The following RAG1 variants were observed in gnomAD, a reference collection of about 807,000 sequenced individuals.
RAG1 encodes V(D)J recombination-activating protein 1.
In RAG1, 35 loss-of-function variants were observed where a neutral mutation model predicts 62.7. The observed-to-expected ratio is 0.56, with a 90% CI of 0.43 to 0.74. The LOEUF (loss-of-function observed/expected upper bound fraction) is 0.74. Ranked by LOEUF, RAG1 falls within the 30% of genes least tolerant of loss-of-function variation. RAG1 has a pLI of 0.00. For missense variants in RAG1, 1,169 were observed against 1,278.6 expected (o/e 0.91, Z 1.31); for synonymous variants, 461 against 470.3 (o/e 0.98, Z 0.26).
chr11:36,546,061 AT>A (rs1295650521), intron 3 of RAG1, among the ~76,000 whole-genome samples: 1 of 152,152 alleles, frequency 6.6e-6, no homozygotes, highest in Non-Finnish European at 1.5e-5. Flanking sequence ...TAGTCTGTTG[AT>A]TTGGGGTGGA....
intron 3 of RAG1, among the ~76,000 whole-genome samples, chr11:36,543,962 C>T (rs529391623): frequency 3.3e-5 from 5 of 152,132 alleles, no homozygotes; most frequent in Non-Finnish European, 5.9e-5. Context: ...AAAAGAGTTT[C>T]AAAGATACAG....
intron 2 of RAG1, among the ~76,000 whole-genome samples, chr11:36,520,767 T>A (rs1281873809): frequency 6.6e-6 from 1 of 152,220 alleles, no homozygotes; most frequent in Non-Finnish European, 1.5e-5. Context: ...TTAGTTGAGA[T>A]CTTAACTCTT....
At chr11:36,551,058 A>G (rs989354670) in intron 3 of RAG1, among the ~76,000 whole-genome samples, 9 of 152,162 alleles carry the variant, frequency 5.9e-5, no homozygotes, top group African/African-American at 2.2e-4. Flanking sequence ...AAAGTAACTG[A>G]TAGCAACTCT....
At chr11:36,538,613 C>T (rs2133262128), downstream of RAG1, among the ~76,000 whole-genome samples, 1 of 152,248 alleles carries the variant, frequency 6.6e-6, no homozygotes, top group African/African-American at 2.4e-5. Context: ...TCTAAAGCTG[C>T]AGTTACGAAA....
intron 3 of RAG1, among the ~76,000 whole-genome samples, chr11:36,562,427 A>C (rs1850603254): frequency 1.3e-5 from 2 of 152,202 alleles, no homozygotes; most frequent in African/African-American, 2.4e-5. Flanking sequence ...CAAATGAGAA[A>C]ATGGAGTCAG....
intron 3 of RAG1, among the ~76,000 whole-genome samples, chr11:36,549,610 A>C (rs990357151): frequency 6.6e-6 from 1 of 152,216 alleles, no homozygotes; most frequent in African/African-American, 2.4e-5. Flanking sequence ...AAACGTCAGG[A>C]AACAACAGAT....
chr11:36,537,686 T>C (rs949112331), downstream of RAG1, among the ~76,000 whole-genome samples: 7 of 152,224 alleles, frequency 4.6e-5, no homozygotes, highest in African/African-American at 7.2e-5. Flanking sequence ...TATGAGAGTA[T>C]GGTGATAAGC....
downstream of RAG1, among the ~76,000 whole-genome samples, chr11:36,540,597 G>A (rs941031772): frequency 6.6e-6 from 1 of 151,972 alleles, no homozygotes; most frequent in Non-Finnish European, 1.5e-5. Context: ...TAGTAGAGAC[G>A]GGGTTTCACC....
intron 2 of RAG1, among the ~76,000 whole-genome samples, chr11:36,521,158 C>G (rs891578835): frequency 1.6e-4 from 25 of 152,144 alleles, no homozygotes; most frequent in African/African-American, 6.0e-4. Flanking sequence ...GGGGTTTCTC[C>G]ATGTTGGTCA....
chr11:36,544,359 C>A (rs1434614444), intron 3 of RAG1, among the ~76,000 whole-genome samples: 2 of 152,142 alleles, frequency 1.3e-5, no homozygotes, highest in Non-Finnish European at 2.9e-5. Context: ...TCTGATAGAA[C>A]ACAAAGAAAG....
chr11:36,546,855 G>T (rs1850401190), intron 3 of RAG1, among the ~76,000 whole-genome samples: 1 of 151,858 alleles, frequency 6.6e-6, no homozygotes, highest in South Asian at 2.1e-4. Flanking sequence ...TGGCCGATTT[G>T]AAAATTCTTT....
At position 36,578,734 on chromosome 11, in the gene RAG1, G is replaced by A. The variant is rs1389190734; in HGVS notation, c.*2298G>A. ...TGCAGGAATTTCAATATGTAGAAACGCTGCCTATGGTTTTTTGCCCTTACT... is the reference window on the plus strand; with the variant it reads ...TGCAGGAATTTCAATATGTAGAAACACTGCCTATGGTTTTTTGCCCTTACT... On this transcript the variant is annotated 3_prime_UTR_variant, in exon 2 of 2. Transcript: ENST00000299440. 6.0e-6 allele frequency: 1 copy of A among 167,044 alleles called. No homozygotes were observed. Among genetic ancestry groups the A allele is most frequent in the East Asian group, 1.9e-4 (1 of 5,206 alleles). The allele number at this position is 167,044 out of a possible 1,614,324, so 10.3% of individuals were successfully genotyped here.
Position 36,531,382 on chromosome 11 carries a change from CTG to C in RAG1, n.429-4573_429-4572del, listed in dbSNP as rs541963968. ...TGCTATTTTATTAGTTGTTTTATCTCTGTGTTTCATTTCTCTGTTTTCTTTTT... is the reference window on the plus strand; with the variant it reads ...TGCTATTTTATTAGTTGTTTTATCTCTGTTTCATTTCTCTGTTTTCTTTTT... On this transcript the variant is annotated intron_variant and non_coding_transcript_variant, in intron 2 of 2. Coordinates refer to the RAG1 transcript ENST00000529126. Among the ~76,000 whole-genome samples, 652 of 151,854 alleles carry C rather than the reference CTG, an allele frequency of 4.3e-3. 2 individuals carry two copies. Among genetic ancestry groups the C allele is most frequent in the African/African-American group, 7.4e-3 (307 of 41,478 alleles).
At chr11:36,569,882 C>G (rs947000314) in intron 1 of RAG1, among the ~76,000 whole-genome samples, 4 of 152,026 alleles carry the variant, frequency 2.6e-5, no homozygotes, top group Non-Finnish European at 5.9e-5. Flanking sequence ...AAAGGGAATC[C>G]TACTATACTT....
intron 2 of RAG1, among the ~76,000 whole-genome samples, chr11:36,530,958 T>G (rs903231900): frequency 4.6e-5 from 7 of 152,040 alleles, no homozygotes; most frequent in Admixed American, 4.6e-4. Flanking sequence ...TTCAGTTTTT[T>G]CAGTTTTTGT....
intron 2 of RAG1, among the ~76,000 whole-genome samples, chr11:36,522,772 A>G (rs1309972731): frequency 6.6e-6 from 1 of 152,236 alleles, no homozygotes; most frequent in Non-Finnish European, 1.5e-5. Context: ...GAGCTGCCTA[A>G]GACCATGAGT....
intron 2 of RAG1, among the ~76,000 whole-genome samples, chr11:36,529,900 C>T (rs11033681): frequency 0.035 from 5,339 of 151,254 alleles, 167 homozygotes; most frequent in Non-Finnish European, 0.049. Context: ...CAATTGATGT[C>T]GATTCCTTAT....
chr11:36,574,316 A>T lies in RAG1; in HGVS notation c.1012A>T (p.Thr338Ser). Residue 338 changes from threonine (T) to serine (S), a missense_variant, in exon 2 of 2, where the codon ACT becomes TCT. Physicochemically the swap from Thr to Ser is moderately conservative, Grantham distance 58. Transcript: ENST00000299440. ...CTCTTGCCGATATCCATGCTTCCCT[A>T]CTGACCTGGAGAGTCCAGTGAAGTC... ...CPSCRYPCFP[T>S]DLESPVKSFL... is the part of the protein sequence containing the mutation. 1 of 1,614,112 alleles carries T rather than the reference A, an allele frequency of 6.2e-7. No homozygotes were observed. The highest frequency in any genetic ancestry group is 8.5e-7 in the Non-Finnish European group (1 of 1,180,028).
At chr11:36,560,216 G>T (rs1019383881) in intron 3 of RAG1, among the ~76,000 whole-genome samples, 1 of 152,146 alleles carries the variant, frequency 6.6e-6, no homozygotes, top group Admixed American at 6.5e-5. Context: ...CCCTGGTAGG[G>T]TATGTGTTGG....
Sources: gnomAD v4.1 joint callset for allele counts (sites outside exome capture counted in the v4.1 genomes callset) on GRCh38, gnomAD v4.1.1 for gene constraint, MANE v1.5 for transcripts, NCBI Gene and HGNC (gene_info 2026-07-23, HGNC 2026-07-21) for gene names.